Variants in THSD7A observed in about 807,000 individuals in gnomAD.
The protein encoded by THSD7A is thrombospondin type-1 domain-containing protein 7A.
A neutral mutation model predicts 231.3 loss-of-function variants in THSD7A; 96 were observed. That is an observed-to-expected ratio of 0.41 (90% confidence interval 0.35 to 0.49). THSD7A has a LOEUF of 0.49. Ranked by LOEUF, THSD7A falls within the 20% of genes least tolerant of loss-of-function variation. The probability of loss-of-function intolerance (pLI) is 0.05; values close to 1 mark genes in which losing one functional copy is unlikely to be tolerated. For synonymous variants in THSD7A, 940 were observed against 743.3 expected (o/e 1.26, Z -4.30); for missense variants, 2,290 against 2,070.2 (o/e 1.11, Z -2.06).
intron 1 of THSD7A, among the ~76,000 whole-genome samples, chr7:11,732,163 G>C (rs1229393700): frequency 6.6e-6 from 1 of 151,688 alleles, no homozygotes; most frequent in Non-Finnish European, 1.5e-5. Flanking sequence ...AGATGCATGA[G>C]TACATGTTTG....
At chr7:11,676,553 C>G (rs146292999) in intron 1 of THSD7A, among the ~76,000 whole-genome samples, 1 of 152,012 alleles carries the variant, frequency 6.6e-6, no homozygotes, top group African/African-American at 2.4e-5. Context: ...ACTGGAATAA[C>G]CAGTTTAGAG....
At chr7:11,763,362 C>T (rs1332392123) in intron 1 of THSD7A, among the ~76,000 whole-genome samples, 3 of 152,098 alleles carry the variant, frequency 2.0e-5, no homozygotes, top group Non-Finnish European at 4.4e-5. Context: ...CTTTGCTGTC[C>T]ATATCTTGAC....
intron 1 of THSD7A, among the ~76,000 whole-genome samples, chr7:11,681,640 A>G (rs1365172518): frequency 1.3e-5 from 2 of 151,996 alleles, no homozygotes; most frequent in Non-Finnish European, 2.9e-5. Flanking sequence ...CGACTCACTG[A>G]CATTCCCAAG....
chr7:11,731,097 T>C (rs1246999581), intron 1 of THSD7A, among the ~76,000 whole-genome samples: 1 of 151,652 alleles, frequency 6.6e-6, no homozygotes, highest in African/African-American at 2.4e-5. Context: ...CTCTTTTCAA[T>C]ATACTGAACT....
chr7:11,687,388 A>G (rs979229828), intron 1 of THSD7A, among the ~76,000 whole-genome samples: 21 of 151,946 alleles, frequency 1.4e-4, no homozygotes, highest in African/African-American at 4.1e-4. Flanking sequence ...TTAGTCATCT[A>G]TGGGTTGATC....
chr7:11,603,896 G>C (rs1055866055), intron 2 of THSD7A, among the ~76,000 whole-genome samples: 1 of 143,184 alleles, frequency 7.0e-6, no homozygotes, highest in African/African-American at 2.6e-5. Flanking sequence ...GGGGAGGGGG[G>C]AAGGATAGCA....
At position 11,595,830 on chromosome 7, in the gene THSD7A, G is replaced by A. The variant is rs142517887; in HGVS notation, c.1023-2328C>T. Among the ~76,000 whole-genome samples, 801 of 152,300 alleles carry A rather than the reference G, an allele frequency of 5.3e-3. 8 individuals carry two copies. The highest frequency in any genetic ancestry group is 0.019 in the African/African-American group (769 of 41,558). On this transcript the variant is annotated intron_variant, in intron 2 of 27. Transcript: ENST00000423059. ...CCTGAGGTGGCAAGGGCCAAGTGGC[G>A]GCACTCAACCATCAAAGGCAAGGCG...
At chr7:11,459,028 C>T (rs933409500) in intron 11 of THSD7A, among the ~76,000 whole-genome samples, 1 of 152,166 alleles carries the variant, frequency 6.6e-6, no homozygotes, top group Non-Finnish European at 1.5e-5. Flanking sequence ...AGGCTGTTTT[C>T]ACACTTGTGC....
intron 4 of THSD7A, among the ~76,000 whole-genome samples, chr7:11,545,968 C>T (rs553361207): frequency 3.9e-5 from 6 of 152,278 alleles, no homozygotes; most frequent in African/African-American, 1.4e-4. Flanking sequence ...CCCCTATCTT[C>T]CAGCCCGTCC....
intron 1 of THSD7A, among the ~76,000 whole-genome samples, chr7:11,776,749 C>T (rs187446261): frequency 1.1e-4 from 16 of 152,228 alleles, no homozygotes; most frequent in South Asian, 1.0e-3. Flanking sequence ...GAGCTAAAGA[C>T]GCATCTTGAC....
At chr7:11,379,878 T>C in intron 24 of THSD7A, 166 bp from the exon 25 acceptor site, 1 of 697,282 alleles carries the variant, frequency 1.4e-6, no homozygotes, top group Non-Finnish European at 2.5e-6. Context: ...CCACCTTATG[T>C]AGTGACTCCA....
intron 1 of THSD7A, among the ~76,000 whole-genome samples, chr7:11,671,743 A>G (rs1292950664): frequency 6.6e-6 from 1 of 152,170 alleles, no homozygotes; most frequent in Non-Finnish European, 1.5e-5. Flanking sequence ...TTCTAGGGCA[A>G]TGAAACACAA....
At chr7:11,523,364 T>G (rs1172061739) in intron 6 of THSD7A, among the ~76,000 whole-genome samples, 2 of 152,030 alleles carry the variant, frequency 1.3e-5, no homozygotes, top group Non-Finnish European at 2.9e-5. Flanking sequence ...CCCCATTTCT[T>G]TGAGAATTTC....
At chr7:11,529,344 T>C (rs1415984801) in intron 6 of THSD7A, among the ~76,000 whole-genome samples, 1 of 152,160 alleles carries the variant, frequency 6.6e-6, no homozygotes, top group Non-Finnish European at 1.5e-5. Flanking sequence ...TGAGGTCACT[T>C]ATCTGATGAG....
At chr7:11,512,532 C>T (rs937325466) in intron 6 of THSD7A, among the ~76,000 whole-genome samples, 1 of 151,922 alleles carries the variant, frequency 6.6e-6, no homozygotes, top group African/African-American at 2.4e-5. Context: ...TGGAACCAAC[C>T]CAAATGTTCA....
At chr7:11,785,849 G>A (rs1411578928) in intron 1 of THSD7A, among the ~76,000 whole-genome samples, 4 of 151,948 alleles carry the variant, frequency 2.6e-5, no homozygotes, top group African/African-American at 9.7e-5. Flanking sequence ...TAAAATAATA[G>A]GCTAATTCTT....
At chr7:11,641,772 TATA>T (rs1384800249) in intron 1 of THSD7A, among the ~76,000 whole-genome samples, 1 of 120,792 alleles carries the variant, frequency 8.3e-6, no homozygotes, top group Non-Finnish European at 2.1e-5. Flanking sequence ...TAAAATATAA[TATA>T]ATAAAATAAA....
intron 23 of THSD7A, among the ~76,000 whole-genome samples, chr7:11,385,874 C>T (rs750876981): frequency 1.1e-4 from 17 of 152,014 alleles, no homozygotes; most frequent in Non-Finnish European, 2.2e-4. Flanking sequence ...CCCCTTACCT[C>T]CACCCCCTCA....
At chr7:11,434,704 G>T (rs1784577651) in intron 13 of THSD7A, among the ~76,000 whole-genome samples, 1 of 151,824 alleles carries the variant, frequency 6.6e-6, no homozygotes, top group African/African-American at 2.4e-5. Context: ...TTGCAACTGG[G>T]AATGAGAAAA....
Sources: allele counts gnomAD v4.1 joint callset (sites outside exome capture counted in the v4.1 genomes callset), GRCh38; gene constraint gnomAD v4.1.1; transcripts MANE v1.5; gene names NCBI Gene and HGNC (gene_info 2026-07-23, HGNC 2026-07-21).